CRTAC1: variants seen among roughly 807,000 people sequenced by gnomAD.
CRTAC1 encodes cartilage acidic protein 1, also known as acidic secreted protein in cartilage.
Under a neutral mutation model 67.8 loss-of-function variants are expected in CRTAC1, and 37 were observed. The observed-to-expected ratio is 0.55, with a 90% CI of 0.42 to 0.72. The LOEUF (loss-of-function observed/expected upper bound fraction) is 0.72, where lower values mean the gene tolerates loss of function less well. CRTAC1 is among the 30% of genes least tolerant of loss of function. The probability of loss-of-function intolerance (pLI) is 0.00; values close to 1 mark genes in which losing one functional copy is unlikely to be tolerated. For synonymous variants in CRTAC1, 348 were observed against 371.0 expected, an observed-to-expected ratio of 0.94 and a Z score of 0.71; for missense variants, 780 against 931.6, an observed-to-expected ratio of 0.84 and a Z score of 2.12.
At chr10:97,969,950 A>C (rs1428791584) in intron 2 of CRTAC1, among the ~76,000 whole-genome samples, 1 of 152,162 alleles carries the variant, frequency 6.6e-6, no homozygotes, top group Non-Finnish European at 1.5e-5. Context: ...CCTGAACTCC[A>C]GACTCATATA....
rs1411719171 is a variant in CRTAC1, at chr10:98,029,515, GGCGGCGGCGGCGGCA to G, written c.24+919_24+933del. Among the ~76,000 whole-genome samples the G allele has an allele frequency of 0.011, 1,528 of 140,708 alleles. 37 individuals are homozygous for G. Among genetic ancestry groups the G allele is most frequent in the African/African-American group, 0.046 (1,420 of 31,200 alleles). 92.3% of individuals were successfully genotyped at this position (140,708 alleles called of 152,430 possible). Reference sequence around the variant, plus strand: ...CAGCGGCGGCGGCGGCGGCGGCGGCGGCGGCGGCGGCGGCAGCAGCAGCAATATTCATTAGTCATT... The same window carrying G: ...CAGCGGCGGCGGCGGCGGCGGCGGCGGCAGCAGCAATATTCATTAGTCATT... On this transcript the variant is annotated intron_variant, in intron 1 of 14. Coordinates refer to ENST00000370597, the MANE Select transcript of CRTAC1 (RefSeq NM_018058.7). The surrounding 1 kb of genome is among the most constrained non-coding windows in gnomAD (Gnocchi z 4.7).
chr10:97,918,325 C>T (rs2050787958), intron 4 of CRTAC1, among the ~76,000 whole-genome samples: 1 of 152,214 alleles, frequency 6.6e-6, no homozygotes, highest in African/African-American at 2.4e-5. Context: ...GCCCTGGGCA[C>T]CAGCTCCTCC....
At chr10:97,988,799 A>G (rs1329267982) in intron 2 of CRTAC1, among the ~76,000 whole-genome samples, 1 of 152,236 alleles carries the variant, frequency 6.6e-6, no homozygotes, top group African/African-American at 2.4e-5. Flanking sequence ...CATAGGACCA[A>G]GCATTTTGTG....
chr10:97,969,701 G>A (rs948576553), intron 2 of CRTAC1, among the ~76,000 whole-genome samples: 2 of 152,104 alleles, frequency 1.3e-5, no homozygotes, highest in Admixed American at 6.5e-5. Flanking sequence ...CAGAAACACA[G>A]ATCTGATCAT....
chr10:97,882,556 C>T (rs2050229542), intron 13 of CRTAC1, among the ~76,000 whole-genome samples: 1 of 152,218 alleles, frequency 6.6e-6, no homozygotes, highest in Non-Finnish European at 1.5e-5. Context: ...GAAAACACTG[C>T]CAGTTTCCAG....
At chr10:97,987,101 A>C (rs1046638856) in intron 2 of CRTAC1, among the ~76,000 whole-genome samples, 1 of 152,236 alleles carries the variant, frequency 6.6e-6, no homozygotes, top group Non-Finnish European at 1.5e-5. Flanking sequence ...ATATCATTTA[A>C]AGATATCACA....
rs764021235 is a variant in CRTAC1, at chr10:97,923,290, G to A, written c.532C>T (p.Arg178Cys). Residue 178 changes from arginine (R) to cysteine (C), a missense_variant, in exon 4 of 15, where the codon CGC (arginine) becomes TGC (cysteine). Physicochemically the swap from Arg to Cys is radical, Grantham distance 180. Transcript: ENST00000370597. ...TTTCTGTCCACACAGGCCACAGAGC[G>A]TCCGGCAAAGAGGCTGGCCACACCA... ...ARGVASLFAG[R>C]SVACVDRKGS... 1.7e-5 allele frequency: 27 copies of A among 1,613,994 alleles called. No individual in the cohort carries two copies. Among genetic ancestry groups the A allele is most frequent in the South Asian group, 2.2e-5 (2 of 91,076 alleles).
intron 2 of CRTAC1, among the ~76,000 whole-genome samples, chr10:97,999,304 G>A (rs566806286): frequency 3.8e-4 from 58 of 152,366 alleles, no homozygotes; most frequent in African/African-American, 1.4e-3. Flanking sequence ...AGGCCCCCTT[G>A]CCCTCACAGG....
chr10:97,898,230 A>T (rs187680245), intron 8 of CRTAC1, among the ~76,000 whole-genome samples: 309 of 152,278 alleles, frequency 2.0e-3, no homozygotes, highest in African/African-American at 7.1e-3. Flanking sequence ...TGCGTGAGGT[A>T]TGGTGCACAG....
rs192200606 is a variant in CRTAC1, at chr10:97,873,097, A to G, written c.1819+7152T>C. ...CTCACAACAACTCTATGAGGATTTT[A>G]TCACTGCCTCTATTTTGTGGATGAA... is the stretch of plus-strand genomic sequence containing the variant. On this transcript the variant is annotated intron_variant, in intron 14 of 14. Coordinates refer to ENST00000370597, the MANE Select transcript of CRTAC1 (RefSeq NM_018058.7). Among the ~76,000 whole-genome samples, 59 of 152,330 alleles carry G rather than the reference A, an allele frequency of 3.9e-4. 1 individual carries two copies. The highest frequency in any genetic ancestry group is 1.4e-3 in the African/African-American group (57 of 41,572).
chr10:97,902,479 C>G (rs151097103), intron 7 of CRTAC1, among the ~76,000 whole-genome samples: 1 of 152,326 alleles, frequency 6.6e-6, no homozygotes, highest in South Asian at 2.1e-4. Flanking sequence ...TGGGGAGACC[C>G]CAGGCCCAGG....
chr10:97,929,619 G>A (rs1295738591), intron 3 of CRTAC1, among the ~76,000 whole-genome samples: 2 of 152,214 alleles, frequency 1.3e-5, no homozygotes, highest in African/African-American at 4.8e-5. Context: ...TGGATCTTGG[G>A]CAACTCATGA....
intron 3 of CRTAC1, among the ~76,000 whole-genome samples, chr10:97,930,060 T>C (rs2050981132): frequency 6.6e-6 from 1 of 152,224 alleles, no homozygotes; most frequent in African/African-American, 2.4e-5. Flanking sequence ...CCAGGCACTT[T>C]GCCCACATCA....
At chr10:98,013,477 G>C (rs948444988) in intron 1 of CRTAC1, among the ~76,000 whole-genome samples, 1 of 152,188 alleles carries the variant, frequency 6.6e-6, no homozygotes, top group South Asian at 2.1e-4. Context: ...GAAAGAAGTA[G>C]CTGCTGTGTT....
intron 11 of CRTAC1, among the ~76,000 whole-genome samples, chr10:97,891,128 T>A (rs948588255): frequency 2.0e-5 from 3 of 152,248 alleles, no homozygotes; most frequent in Non-Finnish European, 4.4e-5. Flanking sequence ...TCAGTAAATA[T>A]GTAGTCACTA....
chr10:97,891,946 G>A (rs913315564), intron 11 of CRTAC1, among the ~76,000 whole-genome samples: 4 of 152,248 alleles, frequency 2.6e-5, no homozygotes, highest in Non-Finnish European at 5.9e-5. Context: ...TAGTGCCGCT[G>A]GGAATGGACC....
At chr10:97,962,069 C>T (rs2051535044) in intron 2 of CRTAC1, among the ~76,000 whole-genome samples, 1 of 152,148 alleles carries the variant, frequency 6.6e-6, no homozygotes, top group African/African-American at 2.4e-5. Context: ...GCTCAGGAGC[C>T]CAGCAAATCC....
At chr10:97,903,280 C>A (rs1390340223) in intron 7 of CRTAC1, among the ~76,000 whole-genome samples, 1 of 145,948 alleles carries the variant, frequency 6.9e-6, no homozygotes, top group African/African-American at 2.6e-5. Flanking sequence ...ATACTAGATG[C>A]CAGGAGCCCT....
At chr10:97,991,668 AATGGTAGG>A (rs1251609549) in intron 2 of CRTAC1, among the ~76,000 whole-genome samples, 1 of 152,112 alleles carries the variant, frequency 6.6e-6, no homozygotes, top group African/African-American at 2.4e-5. Flanking sequence ...TCTTCACCAC[AATGGTAGG>A]AAGTACTATT....
Sources: allele counts gnomAD v4.1 joint callset (sites outside exome capture counted in the v4.1 genomes callset), GRCh38; gene constraint gnomAD v4.1.1; non-coding constraint Gnocchi (gnomAD v3.1); transcripts MANE v1.5; gene names NCBI Gene and HGNC (gene_info 2026-07-23, HGNC 2026-07-21).